LRP6: variants seen among roughly 807,000 people sequenced by gnomAD.
LRP6 encodes the protein LDL receptor related protein 6, also known as low-density lipoprotein receptor-related protein 6.
Under a neutral mutation model 184.1 loss-of-function variants are expected in LRP6, and 43 were observed. The observed-to-expected ratio is 0.23, with a 90% CI of 0.18 to 0.30. The LOEUF is 0.30. LRP6 is among the 10% of genes least tolerant of loss of function. The pLI is 1.00. For synonymous variants in LRP6, 719 were observed against 684.9 expected (o/e 1.05, Z -0.78); for missense variants, 1,571 against 2,005.3 (o/e 0.78, Z 4.14).
At chr12:12,215,954 G>A (rs1864333116) in intron 2 of LRP6, among the ~76,000 whole-genome samples, 1 of 152,102 alleles carries the variant, frequency 6.6e-6, no homozygotes, top group African/African-American at 2.4e-5. Flanking sequence ...AGAGGTTGCA[G>A]TGAGCCAAGA....
chr12:12,187,222 AC>A, intron 3 of LRP6, 103 bp from the exon 4 acceptor site: 1 of 924,034 alleles, frequency 1.1e-6, no homozygotes, highest in South Asian at 1.4e-5. Context: ...ATTAACACAT[AC>A]AAATCTTGAG....
At chr12:12,225,698 C>T (rs561136304) in intron 2 of LRP6, among the ~76,000 whole-genome samples, 2 of 151,882 alleles carry the variant, frequency 1.3e-5, no homozygotes, top group Admixed American at 1.3e-4. Flanking sequence ...ATAGTAAAAC[C>T]CCATCGCTAC....
intron 12 of LRP6, among the ~76,000 whole-genome samples, chr12:12,158,528 T>C (rs975370377): frequency 2.6e-5 from 4 of 152,120 alleles, no homozygotes; most frequent in African/African-American, 9.7e-5. Flanking sequence ...TCTCGCTATA[T>C]TGCCTAGGCT....
chr12:12,148,732 G>A (rs573707243), intron 14 of LRP6, among the ~76,000 whole-genome samples: 1 of 152,274 alleles, frequency 6.6e-6, no homozygotes, highest in South Asian at 2.1e-4. Context: ...TAGAATTAAA[G>A]CACTAGTGGC....
In LRP6 at chr12:12,159,115, A is replaced by C; in HGVS notation, c.2505T>G (p.Pro835=). The part of the protein sequence containing the change: ...REVIADDLPH[P]FGLTQYQDYI... ...AATCTTGGTACTGAGTTAAGCCAAA[A>C]GGATGAGGCAAGTCATCTGCTATAA... is the stretch of plus-strand genomic sequence containing the variant. The change falls in exon 12 of 23, where the codon CCT becomes CCG. Residue 835 remains proline, a synonymous_variant. Coordinates refer to ENST00000261349, the MANE Select transcript of LRP6 (RefSeq NM_002336.3). 6.2e-7 allele frequency: 1 copy of C among 1,614,192 alleles called. No homozygotes were observed. Among genetic ancestry groups the C allele is most frequent in the Non-Finnish European group, 8.5e-7 (1 of 1,180,022 alleles).
chr12:12,261,221 C>T (rs1336961836), intron 1 of LRP6, among the ~76,000 whole-genome samples: 1 of 152,022 alleles, frequency 6.6e-6, no homozygotes, highest in African/African-American at 2.4e-5. Context: ...GAGATCGAGA[C>T]CATCCTGGCT....
Position 12,184,017 on chromosome 12 carries a change from C to T in LRP6, c.939G>A (p.Gly313=). The stretch of plus-strand genomic sequence containing the variant: ...TTTTTCCATTCTCCAGGAGTTTGAC[C>T]CCAGTGGGGCAAGCACACTGATAAA... The part of the protein sequence containing the change: ...KPFYQCACPT[G]VKLLENGKTC... Residue 313 remains glycine (G), a synonymous_variant, in exon 5 of 23, where the codon GGG becomes GGA. Coordinates refer to ENST00000261349, the MANE Select transcript of LRP6 (RefSeq NM_002336.3). The T allele has an allele frequency of 1.9e-6, 3 of 1,613,474 alleles. No homozygotes were observed. Among genetic ancestry groups the T allele is most frequent in the Non-Finnish European group, 2.5e-6 (3 of 1,179,496 alleles).
intron 2 of LRP6, among the ~76,000 whole-genome samples, chr12:12,208,320 T>C (rs866101429): frequency 6.6e-6 from 1 of 152,224 alleles, no homozygotes; most frequent in African/African-American, 2.4e-5. Context: ...AGTAGAGTAA[T>C]GAACGTTTGT....
rs755626128 is a variant in LRP6 at position 12,126,675 on chromosome 12, A to C, written c.4312+16T>G. On this transcript the variant is annotated intron_variant, in intron 20 of 22. Transcript: ENST00000261349. ...GGACCAAAGACTTGATTCTCAATGG[A>C]TCCATCCTGACTCACCTGGAAGAGA... 18 of 1,602,814 alleles carry C rather than the reference A, an allele frequency of 1.1e-5. No homozygotes were observed. The highest frequency in any genetic ancestry group is 1.5e-5 in the Non-Finnish European group (17 of 1,169,664).
At chr12:12,185,256 A>C (rs1238155288) in intron 4 of LRP6, among the ~76,000 whole-genome samples, 2 of 152,110 alleles carry the variant, frequency 1.3e-5, no homozygotes, top group Non-Finnish European at 2.9e-5. Flanking sequence ...CCGTGATCAC[A>C]TAAACGCACA....
intron 10 of LRP6, among the ~76,000 whole-genome samples, chr12:12,160,638 A>G (rs553407348): frequency 4.6e-5 from 7 of 152,172 alleles, no homozygotes; most frequent in Non-Finnish European, 8.8e-5. Flanking sequence ...CTTTGCTGTT[A>G]TTTTCCATTT....
chr12:12,266,938 CGCGACGCCA>C lies in LRP6; in HGVS notation c.-212_-204del. 1 of 580,450 alleles carries C rather than the reference CGCGACGCCA, an allele frequency of 1.7e-6. No individual in the cohort carries two copies. The highest frequency in any genetic ancestry group is 3.0e-6 in the Non-Finnish European group (1 of 330,256). The allele number at this position is 580,450 out of a possible 1,614,324, so 36.0% of individuals were successfully genotyped here. On this transcript the variant is annotated 5_prime_UTR_variant, in exon 1 of 23. Coordinates refer to ENST00000261349, the MANE Select transcript of LRP6 (RefSeq NM_002336.3). ...ACCGCGCCGCTCGGCCCCGGGCTCG[CGCGACGCCA>C]GCGTCTGCTTCCATCCCGCCGCCTC...
chr12:12,225,917 G>C (rs1864611745), intron 2 of LRP6, among the ~76,000 whole-genome samples: 1 of 150,998 alleles, frequency 6.6e-6, no homozygotes, highest in African/African-American at 2.4e-5. Context: ...ACCCACTGCT[G>C]CCTGTGCAAG....
chr12:12,137,858 A>C (rs866957157), intron 16 of LRP6, among the ~76,000 whole-genome samples: 1 of 152,098 alleles, frequency 6.6e-6, no homozygotes, highest in African/African-American at 2.4e-5. Flanking sequence ...TAAGGTTGAC[A>C]TAAGGCTTTA....
chr12:12,261,985 G>A (rs1865627638), intron 1 of LRP6, among the ~76,000 whole-genome samples: 1 of 152,232 alleles, frequency 6.6e-6, no homozygotes, highest in Admixed American at 6.5e-5. Flanking sequence ...GCTCACGCCT[G>A]TAATCCCAAC....
At chr12:12,198,978 C>T (rs1362284206) in intron 3 of LRP6, among the ~76,000 whole-genome samples, 2 of 152,034 alleles carry the variant, frequency 1.3e-5, no homozygotes, top group African/African-American at 4.8e-5. Context: ...AAACTAGCTA[C>T]ACAATGCATC....
At chr12:12,241,466 T>C (rs551709423) in intron 2 of LRP6, among the ~76,000 whole-genome samples, 25 of 152,302 alleles carry the variant, frequency 1.6e-4, no homozygotes, top group African/African-American at 6.0e-4. Flanking sequence ...AAATATAATT[T>C]TAAATACGCT....
chr12:12,175,601 T>C (rs1326036081), intron 7 of LRP6, among the ~76,000 whole-genome samples: 1 of 147,820 alleles, frequency 6.8e-6, no homozygotes, highest in African/African-American at 2.5e-5. Context: ...GCAGGAAAAT[T>C]GCGTGAACCC....
At chr12:12,234,550 C>T (rs928551810) in intron 2 of LRP6, among the ~76,000 whole-genome samples, 60 of 151,788 alleles carry the variant, frequency 4.0e-4, no homozygotes, top group African/African-American at 1.4e-3. Context: ...TACACATTCA[C>T]GGCTGGGCAC....
Sources: allele counts gnomAD v4.1 joint callset (sites outside exome capture counted in the v4.1 genomes callset), GRCh38; gene constraint gnomAD v4.1.1; transcripts MANE v1.5; gene names NCBI Gene and HGNC (gene_info 2026-07-23, HGNC 2026-07-21).